The following ANKMY2 variants were observed in gnomAD, a reference collection of about 807,000 sequenced individuals.
ANKMY2 encodes ankyrin repeat and MYND domain containing 2.
Under a neutral mutation model 50.4 loss-of-function variants are expected in ANKMY2, and 36 were observed. The ratio of observed to expected loss-of-function variants is 0.71; its 90% confidence interval spans 0.55 to 0.94. The LOEUF is 0.94. ANKMY2 is among the 40% of genes least tolerant of loss of function. The pLI is 0.00. For missense variants in ANKMY2, 565 were observed against 524.0 expected (o/e 1.08, Z -0.76); for synonymous variants, 187 against 178.8 (o/e 1.05, Z -0.36).
At chr7:16,631,967 A>G (rs1057442951) in intron 2 of ANKMY2, among the ~76,000 whole-genome samples, 1 of 152,132 alleles carries the variant, frequency 6.6e-6, no homozygotes, top group Non-Finnish European at 1.5e-5. Context: ...TTTTCTACAA[A>G]GATCATATGG....
rs766458270 is a variant in ANKMY2, at chr7:16,627,122, T to C, written c.189A>G (p.Lys63=). 1 of 1,611,948 alleles carries C rather than the reference T, an allele frequency of 6.2e-7. No individual in the cohort carries two copies. Among genetic ancestry groups the C allele is most frequent in the South Asian group, 1.1e-5 (1 of 90,886 alleles). The change falls in exon 3 of 10, where the codon AAA becomes AAG. Residue 63 remains lysine, a synonymous_variant. Coordinates refer to ENST00000306999, the MANE Select transcript of ANKMY2 (RefSeq NM_020319.3). The stretch of plus-strand genomic sequence containing the variant: ...CATCGGCTCCATGTCGCAGTAGTAA[T>C]TTGCACATATCGAGTTTTCCTTTAT... ...AAYKGKLDMC[K]LLLRHGADVN... is the part of the protein sequence containing the mutation.
chr7:16,626,304 T>C (rs1184395537), intron 3 of ANKMY2, among the ~76,000 whole-genome samples: 1 of 152,190 alleles, frequency 6.6e-6, no homozygotes, highest in African/African-American at 2.4e-5. Context: ...TATTTCACAA[T>C]ATAATCTTTT....
intron 7 of ANKMY2, among the ~76,000 whole-genome samples, chr7:16,608,772 T>G (rs1489076415): frequency 8.5e-5 from 13 of 152,080 alleles, no homozygotes; most frequent in Admixed American, 7.9e-4. Flanking sequence ...GAAGCCGAGG[T>G]GGGTAGATCA....
intron 7 of ANKMY2, among the ~76,000 whole-genome samples, chr7:16,605,674 CTTTTTTTTTT>C (rs11307797): frequency 5.0e-5 from 3 of 59,608 alleles, no homozygotes; most frequent in Admixed American, 2.0e-4. Flanking sequence ...ATTTTTTGTA[CTTTTTTTTTT>C]TTTTTTTTTT....
intron 7 of ANKMY2, among the ~76,000 whole-genome samples, chr7:16,605,561 G>A (rs1310180984): frequency 6.6e-6 from 1 of 151,396 alleles, no homozygotes; most frequent in Non-Finnish European, 1.5e-5. Flanking sequence ...GCAGTGGCTC[G>A]ATCTTGGCTC....
intron 4 of ANKMY2, among the ~76,000 whole-genome samples, chr7:16,616,436 A>T (rs931742527): frequency 6.7e-6 from 1 of 150,178 alleles, no homozygotes; most frequent in Non-Finnish European, 1.5e-5. Context: ...TTTCGCTCCC[A>T]TAAGCTTGGA....
chr7:16,617,063 G>A (rs1781365590), intron 4 of ANKMY2, among the ~76,000 whole-genome samples: 1 of 149,264 alleles, frequency 6.7e-6, no homozygotes, highest in Non-Finnish European at 1.5e-5. Context: ...TACTTTTGAT[G>A]AGACATTTTA....
chr7:16,602,971 C>T (rs1211762465), intron 8 of ANKMY2, among the ~76,000 whole-genome samples: 4 of 152,184 alleles, frequency 2.6e-5, no homozygotes, highest in South Asian at 2.1e-4. Context: ...TCCTGTATAC[C>T]TTCAGAACCG....
intron 7 of ANKMY2, among the ~76,000 whole-genome samples, chr7:16,608,443 G>A (rs1297108933): frequency 6.6e-6 from 1 of 152,112 alleles, no homozygotes; most frequent in Admixed American, 6.5e-5. Flanking sequence ...TTTATTTTAT[G>A]GCTCAGACTA....
chr7:16,607,917 G>C (rs982693630), intron 7 of ANKMY2, among the ~76,000 whole-genome samples: 1 of 152,094 alleles, frequency 6.6e-6, no homozygotes, highest in South Asian at 2.1e-4. Context: ...TGTAGCTAAG[G>C]AAAGTCATGT....
intron 4 of ANKMY2, among the ~76,000 whole-genome samples, chr7:16,624,216 C>A (rs1781479512): frequency 6.6e-6 from 1 of 152,086 alleles, no homozygotes; most frequent in Non-Finnish European, 1.5e-5. Flanking sequence ...AATTATTAGT[C>A]CCTATACGGC....
intron 1 of ANKMY2, 76 bp downstream of exon 1, chr7:16,645,431 C>T (rs28362560): frequency 0.016 from 22,472 of 1,437,244 alleles, 394 homozygotes; most frequent in African/African-American, 0.059. Context: ...GTCACCCAGG[C>T]CAGGAGCGCC....
intron 6 of ANKMY2, 109 bp from the exon 7 acceptor site, chr7:16,609,874 T>C: frequency 6.9e-6 from 9 of 1,302,742 alleles, no homozygotes; most frequent in Non-Finnish European, 9.5e-6. Flanking sequence ...ATTTTCTTTG[T>C]CTCTTCAAAT....
At chr7:16,614,917 T>G (rs992392582) in intron 5 of ANKMY2, among the ~76,000 whole-genome samples, 1 of 152,208 alleles carries the variant, frequency 6.6e-6, no homozygotes, top group African/African-American at 2.4e-5. Context: ...CTGTGTAGTT[T>G]TCTGTGATGA....
intron 4 of ANKMY2, among the ~76,000 whole-genome samples, chr7:16,618,516 A>G (rs1562772143): frequency 1.3e-5 from 2 of 152,272 alleles, no homozygotes; most frequent in South Asian, 4.1e-4. Flanking sequence ...TGATCACAAT[A>G]CCATTTTTGG....
At chr7:16,610,365 C>A (rs113365016) in intron 6 of ANKMY2, among the ~76,000 whole-genome samples, 184 bp downstream of exon 6, 1 of 152,158 alleles carries the variant, frequency 6.6e-6, no homozygotes, top group African/African-American at 2.4e-5. Flanking sequence ...GTAAAGGATA[C>A]AGAACTGAAT....
chr7:16,611,936 C>T (rs1781261509), intron 5 of ANKMY2, among the ~76,000 whole-genome samples: 1 of 152,174 alleles, frequency 6.6e-6, no homozygotes, highest in Admixed American at 6.5e-5. Context: ...GGTAGGGGAA[C>T]CACCCTGCAC....
chr7:16,609,261 G>A (rs1215840891), intron 7 of ANKMY2, among the ~76,000 whole-genome samples: 2 of 152,078 alleles, frequency 1.3e-5, no homozygotes, highest in Non-Finnish European at 2.9e-5. Context: ...CCCCCTAGGT[G>A]ATCAATTCAT....
intron 1 of ANKMY2, among the ~76,000 whole-genome samples, chr7:16,641,109 CTGTA>C (rs1661798767): frequency 6.6e-6 from 1 of 152,064 alleles, no homozygotes; most frequent in South Asian, 2.1e-4. Flanking sequence ...TGGTGCACGC[CTGTA>C]ATCCCAGCTA....
Sources: allele counts gnomAD v4.1 joint callset (sites outside exome capture counted in the v4.1 genomes callset), GRCh38; gene constraint gnomAD v4.1.1; transcripts MANE v1.5; gene names NCBI Gene and HGNC (gene_info 2026-07-23, HGNC 2026-07-21).